GSE1: variants seen among roughly 807,000 people sequenced by gnomAD.
GSE1 encodes genetic suppressor element 1.
A neutral mutation model predicts 112.6 loss-of-function variants in GSE1; 32 were observed. The ratio of observed to expected loss-of-function variants is 0.28; its 90% CI spans 0.21 to 0.38. The LOEUF (loss-of-function observed/expected upper bound fraction) is 0.38, where lower values mean the gene tolerates loss of function less well. Among genes scored for constraint, GSE1 ranks in the 10% least tolerant of loss-of-function variants. The probability of loss-of-function intolerance (pLI) is 1.00; values close to 1 mark genes in which losing one functional copy is unlikely to be tolerated. For missense variants in GSE1, 2,348 were observed against 1,699.2 expected, an observed-to-expected ratio of 1.38 and a Z score of -6.71; for synonymous variants, 1,115 against 735.6, an observed-to-expected ratio of 1.52 and a Z score of -8.35.
chr16:85,421,066 G>A (rs1354538637), intron 2 of GSE1, among the ~76,000 whole-genome samples: 1 of 152,228 alleles, frequency 6.6e-6, no homozygotes, highest in East Asian at 1.9e-4. Flanking sequence ...ACCCGGGGGC[G>A]TTGGGAGGAT....
intron 7 of GSE1, 114 bp downstream of exon 7, chr16:85,656,779 G>T (rs544020484): frequency 7.2e-7 from 1 of 1,379,744 alleles, no homozygotes; most frequent in South Asian, 1.5e-5. Context: ...AGCTGAGTTC[G>T]CCCTAAAAGC....
At chr16:85,225,754 A>T (rs73257933) in intron 1 of GSE1, among the ~76,000 whole-genome samples, 2 of 152,230 alleles carry the variant, frequency 1.3e-5, no homozygotes, top group Non-Finnish European at 2.9e-5. Flanking sequence ...AGTATTCGTA[A>T]TGTATTGCTG....
In GSE1 at chr16:85,235,571, GTGGGT is replaced by G. The variant is rs1440035171; in HGVS notation, c.2283+63765_2283+63769del. ...TGATAAAGGGACTATATGTGTGTGT[GTGGGT>G]GGGGGGGGGGCGCGTGTTCTCGCCC... On this transcript the variant is annotated intron_variant, in intron 1 of 2. Transcript: ENST00000637419. Among the ~76,000 whole-genome samples, 382 of 64,864 alleles carry G rather than the reference GTGGGT, an allele frequency of 5.9e-3. 21 individuals carry two copies. Among genetic ancestry groups the G allele is most frequent in the Middle Eastern group, 0.048 (5 of 104 alleles). The allele number at this position is 64,864 out of a possible 152,430, so 42.6% of individuals were successfully genotyped here.
chr16:85,435,835 G>A (rs2049235015), intron 2 of GSE1, among the ~76,000 whole-genome samples: 1 of 152,180 alleles, frequency 6.6e-6, no homozygotes, highest in Admixed American at 6.5e-5. Context: ...GCACCCAGTG[G>A]GCCCTTCGGC....
At chr16:85,519,181 T>C (rs2052053749) in intron 2 of GSE1, among the ~76,000 whole-genome samples, 1 of 150,802 alleles carries the variant, frequency 6.6e-6, no homozygotes, top group African/African-American at 2.5e-5. Flanking sequence ...TTTGTAAACG[T>C]TTTCCCCTAT....
intron 2 of GSE1, among the ~76,000 whole-genome samples, chr16:85,392,746 T>A (rs1434919755): frequency 6.6e-6 from 1 of 152,210 alleles, no homozygotes; most frequent in Non-Finnish European, 1.5e-5. Context: ...CAGCCAGGAC[T>A]TGTGGAAGGG....
chr16:85,619,411 G>A (rs775495709), intron 1 of GSE1, among the ~76,000 whole-genome samples: 4 of 151,408 alleles, frequency 2.6e-5, no homozygotes, highest in Admixed American at 6.6e-5. Flanking sequence ...GACAGCTTGC[G>A]AGTGGAGGCG....
intron 2 of GSE1, among the ~76,000 whole-genome samples, chr16:85,643,396 G>A (rs1240008009): frequency 6.6e-6 from 1 of 152,196 alleles, no homozygotes; most frequent in Non-Finnish European, 1.5e-5. Flanking sequence ...GGTCTGATGA[G>A]TAGCACCCGC....
intron 1 of GSE1, among the ~76,000 whole-genome samples, chr16:85,178,720 C>A (rs1431851011): frequency 6.6e-6 from 1 of 151,958 alleles, no homozygotes; most frequent in Non-Finnish European, 1.5e-5. Flanking sequence ...CACCAGGACC[C>A]AGCAGTGAGC....
chr16:85,460,825 G>C (rs1283533071), intron 2 of GSE1, among the ~76,000 whole-genome samples: 3 of 152,158 alleles, frequency 2.0e-5, no homozygotes, highest in South Asian at 4.1e-4. Context: ...AAGCCAGGGT[G>C]GGGGTGGGGA....
At chr16:85,269,070 G>C (rs8057423) in intron 1 of GSE1, among the ~76,000 whole-genome samples, 92,197 of 148,692 alleles carry the variant, frequency 0.62, 33,143 homozygotes, top group African/African-American at 0.86. Flanking sequence ...GGCATGCCCT[G>C]CATTTTACAG....
chr16:85,407,240 C>T (rs868172757), intron 2 of GSE1, among the ~76,000 whole-genome samples: 17 of 29,172 alleles, frequency 5.8e-4, no homozygotes, highest in Non-Finnish European at 8.6e-4. Context: ...CAGGGCCCCC[C>T]GGATAATCCT....
chr16:85,202,398 C>T (rs1038035914), intron 1 of GSE1, among the ~76,000 whole-genome samples: 6 of 152,340 alleles, frequency 3.9e-5, no homozygotes, highest in South Asian at 4.1e-4. Flanking sequence ...TTGGAACAAG[C>T]GGCCTGGCTT....
chr16:85,654,407 T>G lies in GSE1; in HGVS notation c.556T>G (p.Ser186Ala), dbSNP rs772787853. The change falls in exon 4 of 16, where the codon TCC (serine) becomes GCC (alanine). Residue 186 changes from serine (S) to alanine (A), a missense_variant. Transcript: ENST00000253458. The part of the protein sequence containing the change: ...LLSTPYPFGL[S>A]PSSVVQDSRF... ...CAGCACCCCCTACCCCTTCGGCCTC[T>G]CCCCCAGCTCAGTTGTGCAGGATTC... 1 of 1,589,232 alleles carries G rather than the reference T, an allele frequency of 6.3e-7. No individual in the cohort carries two copies.
chr16:85,238,742 G>A (rs1419935421), intron 1 of GSE1, among the ~76,000 whole-genome samples: 7 of 152,088 alleles, frequency 4.6e-5, no homozygotes, highest in African/African-American at 1.7e-4. Context: ...GTCAGGGTGG[G>A]GGACCCTCAG....
chr16:85,574,542 G>A (rs2046141494), intron 1 of GSE1, among the ~76,000 whole-genome samples: 1 of 152,212 alleles, frequency 6.6e-6, no homozygotes. Context: ...GAAAGCTACA[G>A]GAAGTGACCT....
chr16:85,427,566 C>T (rs575141988), intron 2 of GSE1, among the ~76,000 whole-genome samples: 18 of 152,330 alleles, frequency 1.2e-4, no homozygotes, highest in South Asian at 8.3e-4. Flanking sequence ...CGCTTGAACT[C>T]GGGAGGTGGA....
At chr16:85,567,152 CAG>C (rs1272094769) in intron 1 of GSE1, among the ~76,000 whole-genome samples, 1 of 151,818 alleles carries the variant, frequency 6.6e-6, no homozygotes, top group East Asian at 1.9e-4. Context: ...GCACTCACCA[CAG>C]GGTGCCGGCC....
chr16:85,393,900 C>A (rs2047905806), intron 2 of GSE1, among the ~76,000 whole-genome samples: 1 of 152,282 alleles, frequency 6.6e-6, no homozygotes, highest in East Asian at 1.9e-4. Flanking sequence ...TGGCCGCCAG[C>A]TTGCGCCCGG....
Sources: gnomAD v4.1 joint callset for allele counts (sites outside exome capture counted in the v4.1 genomes callset) on GRCh38, gnomAD v4.1.1 for gene constraint, MANE v1.5 for transcripts, NCBI Gene and HGNC (gene_info 2026-07-23, HGNC 2026-07-21) for gene names.